SETD4: variants seen among roughly 807,000 people sequenced by gnomAD.
SETD4 encodes the protein SET domain-containing protein 4.
Under a neutral mutation model 58.3 loss-of-function variants are expected in SETD4, and 46 were observed. The ratio of observed to expected loss-of-function variants is 0.79; its 90% CI spans 0.62 to 1.01. The LOEUF (loss-of-function observed/expected upper bound fraction) is 1.01, where lower values mean the gene tolerates loss of function less well. Among genes scored for constraint, SETD4 ranks in the 50% least tolerant of loss-of-function variants. SETD4 has a pLI of 0.00. For missense variants in SETD4, 490 were observed against 523.3 expected (o/e 0.94, Z 0.62); for synonymous variants, 190 against 202.6 (o/e 0.94, Z 0.53).
At chr21:36,051,510 GGA>G in intron 4 of SETD4, 2 of 1,268,948 alleles carry the variant, frequency 1.6e-6, no homozygotes, top group Non-Finnish European at 2.0e-6. Flanking sequence ...AGGATTAGTT[GGA>G]GAGAGTGGGA....
chr21:36,043,616 T>G (rs2064168232), intron 7 of SETD4, 166 bp downstream of exon 7: 10 of 1,412,814 alleles, frequency 7.1e-6, no homozygotes, highest in Non-Finnish European at 2.8e-6. Flanking sequence ...ACTTCAACAC[T>G]GAAATTACAG....
At position 36,035,939 on chromosome 21, in the gene SETD4, T is replaced by G. The variant is rs2063761260; in HGVS notation, c.*54A>C. 2 of 802,212 alleles carry G rather than the reference T, an allele frequency of 2.5e-6. No individual in the cohort carries two copies. Among genetic ancestry groups the G allele is most frequent in the Admixed American group, 5.3e-5 (2 of 37,476 alleles). The allele number at this position is 802,212 out of a possible 1,614,324, so 49.7% of individuals were successfully genotyped here. On this transcript the variant is annotated 3_prime_UTR_variant, in exon 12 of 12. Transcript: ENST00000332131. ...CCACCACCCCAGCCCATGATGATGC[T>G]CTTCAAAATTAACTTTTGTTTCTGT... is the stretch of plus-strand genomic sequence containing the variant.
At position 36,048,233 on chromosome 21, in the gene SETD4, C is replaced by G. The variant is rs991745068; in HGVS notation, c.296+75G>C. 14 of 1,157,428 alleles carry G rather than the reference C, an allele frequency of 1.2e-5. No homozygotes were observed. The African/African-American group carries it at 1.7e-4, about 14-fold the overall frequency. 71.7% of individuals were successfully genotyped at this position (1,157,428 alleles called of 1,614,324 possible). On this transcript the variant is annotated intron_variant, in intron 5 of 11. Transcript: ENST00000332131. ...GACTGGGTTCTAATGAATTGTGTCT[C>G]AAGTGACATATTTGCCATTGACAGA...
chr21:36,059,835 G>T, intron 1 of SETD4: 3 of 985,506 alleles, frequency 3.0e-6, no homozygotes, highest in Non-Finnish European at 3.6e-6. Flanking sequence ...ACGAAAGTCG[G>T]CATGTCCAGC....
chr21:36,058,751 T>C, intron 2 of SETD4, 65 bp downstream of exon 2: 2 of 1,508,702 alleles, frequency 1.3e-6, no homozygotes, highest in Non-Finnish European at 1.8e-6. Context: ...AAGCTACGTA[T>C]GAACAAACAA....
Position 36,034,926 on chromosome 21 carries a change from A to G in SETD4, c.*1067T>C, listed in dbSNP as rs2123481568. On this transcript the variant is annotated 3_prime_UTR_variant, in exon 12 of 12. Transcript: ENST00000332131. ...TGAAAAATAAACACAAAGTGTATAT[A>G]CAAACAGGGAAAGATGTTCAAGAAA... The G allele has an allele frequency of 6.6e-6, 1 of 152,354 alleles. No homozygotes were observed. Among genetic ancestry groups the G allele is most frequent in the African/African-American group, 2.4e-5 (1 of 41,588 alleles). 9.4% of individuals were successfully genotyped at this position (152,354 alleles called of 1,614,324 possible). A position where few individuals can be genotyped will look rare whatever the true frequency, so the allele number is the denominator to read the frequency against.
At chr21:36,051,028 G>A (rs2064653447) in intron 4 of SETD4, 3 of 1,523,082 alleles carry the variant, frequency 2.0e-6, no homozygotes, top group Non-Finnish European at 2.7e-6. Flanking sequence ...AAAGATGGCA[G>A]CTCCTTCTGT....
In SETD4 at chr21:36,041,116, C is replaced by T. The variant is rs3787722; in HGVS notation, c.984-461G>A. Among the ~76,000 whole-genome samples the T allele has an allele frequency of 2.3e-4, 28 of 120,104 alleles. No homozygotes were observed. In the East Asian group the frequency reaches 6.9e-3, roughly 30 times the overall value. The allele number at this position is 120,104 out of a possible 152,430, so 78.8% of individuals were successfully genotyped here. A position where few individuals can be genotyped will look rare whatever the true frequency, so the allele number is the denominator to read the frequency against. On this transcript the variant is annotated intron_variant, in intron 8 of 11. Transcript: ENST00000332131. ...CAGAGCTTGCAGTGAGCTGAGATTG[C>T]GCCACTGCACTCCAGCCTGGGCGAC...
chr21:36,041,383 C>T (rs1373169609), intron 8 of SETD4, among the ~76,000 whole-genome samples: 1 of 152,026 alleles, frequency 6.6e-6, no homozygotes, highest in Admixed American at 6.6e-5. Context: ...AAGGGAGAGC[C>T]TTGAACCCTG....
chr21:36,043,925 G>C lies in SETD4; in HGVS notation c.758C>G (p.Ser253Cys). The C allele has an allele frequency of 6.2e-7, 1 of 1,614,170 alleles. No homozygotes were observed. Among genetic ancestry groups the C allele is most frequent in the Non-Finnish European group, 8.5e-7 (1 of 1,180,028 alleles). ...ACGTGAAGTCGTTCTAATTTCGTAA[G>C]AATGAGTTTCTTCATTAAACGCTGC... is the stretch of plus-strand genomic sequence containing the variant. The part of the protein sequence containing the change: ...VKAAFNEETH[S>C]YEIRTTSRWR... Residue 253 changes from serine to cysteine, a missense_variant, in exon 7 of 12, where the codon TCT becomes TGT. Transcript: ENST00000332131.
In SETD4 at chr21:36,055,481, C is replaced by T. The variant is rs149615282; in HGVS notation, c.169+1628G>A. Among the ~76,000 whole-genome samples the T allele has an allele frequency of 8.5e-5, 13 of 152,238 alleles. 1 individual carries two copies. The East Asian group carries it at 1.7e-3, about 20-fold the overall frequency. On this transcript the variant is annotated intron_variant, in intron 3 of 11. Coordinates refer to ENST00000332131, the MANE Select transcript of SETD4 (RefSeq NM_017438.5). ...GTGCTTTTGGTGGTGAAAGGAAATG[C>T]TGCGGTCAGTTCCCAAGGCAGAAAA...
Position 36,058,914 on chromosome 21 carries a change from GA to G in SETD4, c.-27del. 1 of 1,564,416 alleles carries G rather than the reference GA, an allele frequency of 6.4e-7. No individual in the cohort carries two copies. Among genetic ancestry groups the G allele is most frequent in the African/African-American group, 1.4e-5 (1 of 72,444 alleles). ...GCTAAAACTGTAGTTTCTTTTTTCT[GA>G]AATACAGTTCTATTTTTTCAAAAAG... On this transcript the variant is annotated 5_prime_UTR_variant, in exon 2 of 12. Transcript: ENST00000332131.
intron 5 of SETD4, among the ~76,000 whole-genome samples, chr21:36,048,067 G>GGGAAGGAGGGAAGGAGGGAA (rs1555871604): frequency 2.8e-5 from 4 of 144,778 alleles, no homozygotes; most frequent in African/African-American, 7.8e-5. Context: ...GAGGGAGGGA[G>GGGAAGGAGGGAAGGAGGGAA]GGAGGGAAGG....
At chr21:36,056,965 G>A in intron 3 of SETD4, 144 bp downstream of exon 3, 2 of 679,348 alleles carry the variant, frequency 2.9e-6, no homozygotes. Flanking sequence ...GCCATACACA[G>A]GGGACTCCTC....
chr21:36,041,986 C>T (rs1416768564), intron 7 of SETD4, 98 bp from the exon 8 acceptor site: 1 of 621,814 alleles, frequency 1.6e-6, no homozygotes. Context: ...CTTTAGCAAC[C>T]CAGACATGCA....
At chr21:36,060,314 TG>T (rs1011565657) in intron 1 of SETD4, 32 bp downstream of exon 1, 6 of 232,362 alleles carry the variant, frequency 2.6e-5, no homozygotes, top group Non-Finnish European at 4.2e-5. Context: ...CCCGGGCAAC[TG>T]GAGGCCCGAC....
intron 3 of SETD4, among the ~76,000 whole-genome samples, chr21:36,055,563 A>G (rs2064947283): frequency 6.6e-6 from 1 of 152,210 alleles, no homozygotes. Flanking sequence ...CCCCTCCACA[A>G]ACTAAGATGA....
chr21:36,043,935 C>T lies in SETD4; in HGVS notation c.748G>A (p.Glu250Lys), dbSNP rs767723926. 6.2e-7 allele frequency: 1 copy of T among 1,614,088 alleles called. No homozygotes were observed. Among genetic ancestry groups the T allele is most frequent in the Admixed American group, 1.7e-5 (1 of 60,002 alleles). The change falls in exon 7 of 12, where the codon GAA becomes AAA. Residue 250 changes from glutamate to lysine, a missense_variant. Glu to Lys is a moderately conservative substitution (Grantham distance 56, BLOSUM62 1). Transcript: ENST00000332131. Reference sequence around the variant, plus strand: ...GTTCTAATTTCGTAAGAATGAGTTTCTTCATTAAACGCTGCTTTTACCTAG... The same window carrying T: ...GTTCTAATTTCGTAAGAATGAGTTTTTTCATTAAACGCTGCTTTTACCTAG... ...HVQVKAAFNE[E>K]THSYEIRTTS...
intron 1 of SETD4, chr21:36,059,129 T>C: frequency 2.2e-6 from 1 of 463,848 alleles, no homozygotes. Flanking sequence ...TCATGATCCC[T>C]ACAGTAACAG....
Sources: allele counts gnomAD v4.1 joint callset (sites outside exome capture counted in the v4.1 genomes callset), GRCh38; gene constraint gnomAD v4.1.1; transcripts MANE v1.5; gene names NCBI Gene and HGNC (gene_info 2026-07-23, HGNC 2026-07-21).